Variants in KANK1 observed in about 807,000 individuals in gnomAD.
KANK1 encodes KN motif and ankyrin repeat domains 1, also known as KN motif and ankyrin repeat domain-containing protein 1.
In KANK1, 109 loss-of-function variants were observed where a neutral mutation model predicts 106.2. The observed-to-expected ratio is 1.03, with a 90% confidence interval of 0.88 to 1.20. KANK1 has a LOEUF of 1.20. Ranked by LOEUF, KANK1 falls within the 50% of genes most tolerant of loss-of-function variation. The pLI is 0.00. For synonymous variants in KANK1, 873 were observed against 652.2 expected (o/e 1.34, Z -5.16); for missense variants, 2,399 against 1,710.7 (o/e 1.40, Z -7.10).
chr9:540,986 G>A (rs1224397149), intron 1 of KANK1, among the ~76,000 whole-genome samples: 5 of 152,044 alleles, frequency 3.3e-5, no homozygotes, highest in Non-Finnish European at 7.4e-5. Context: ...ACTTTGGGCT[G>A]TTCCTTTTCT....
upstream of KANK1, chr9:504,591 T>TCCGCCCCGGCTTCCCCGCCCCGGCTTCC (rs1250667353): frequency 6.6e-6 from 1 of 151,450 alleles, no homozygotes; most frequent in African/African-American, 2.4e-5. Context: ...GGCTTGCTGG[T>TCCGCCCCGGCTTCCCCGCCCCGGCTTCC]CCGCCCCGGC....
At position 712,122 on chromosome 9, in the gene KANK1, C is replaced by T. The variant is rs149308888; in HGVS notation, c.1356C>T (p.Asp452=). The change falls in exon 3 of 12, where the codon GAC becomes GAT. Residue 452 remains aspartate (D), a synonymous_variant. Coordinates refer to ENST00000382297, the MANE Select transcript of KANK1 (RefSeq NM_015158.5). The part of the protein sequence containing the change: ...EAMLGVMTEA[D]KEIELQQQTI... ...TGCTTGGAGTGATGACTGAAGCTGA[C>T]AAAGAAATTGAGCTGCAACAGCAGA... 6.8e-6 allele frequency: 11 copies of T among 1,614,060 alleles called. No homozygotes were observed. Among genetic ancestry groups the T allele is most frequent in the African/African-American group, 1.3e-5 (1 of 75,010 alleles).
chr9:641,511 C>T (rs866564707), intron 1 of KANK1, among the ~76,000 whole-genome samples: 1 of 152,174 alleles, frequency 6.6e-6, no homozygotes, highest in Non-Finnish European at 1.5e-5. Flanking sequence ...GCAAATGGAG[C>T]TGCTGCACAA....
chr9:546,625 T>C (rs1489892381), intron 1 of KANK1, among the ~76,000 whole-genome samples: 1 of 152,080 alleles, frequency 6.6e-6, no homozygotes, highest in African/African-American at 2.4e-5. Flanking sequence ...TTTTCATTTG[T>C]TTATTCTTAT....
chr9:564,698 G>C (rs145769557), intron 1 of KANK1, among the ~76,000 whole-genome samples: 1 of 152,332 alleles, frequency 6.6e-6, no homozygotes, highest in African/African-American at 2.4e-5. Context: ...GCTCTTTGCA[G>C]CCGCTCTTCC....
chr9:546,738 G>A (rs573330573), intron 1 of KANK1, among the ~76,000 whole-genome samples: 3 of 149,800 alleles, frequency 2.0e-5, no homozygotes, highest in African/African-American at 7.4e-5. Context: ...TGGGCACACT[G>A]TAAAACATCT....
intron 1 of KANK1, among the ~76,000 whole-genome samples, chr9:657,233 A>G (rs534497515): frequency 1.3e-4 from 20 of 152,314 alleles, no homozygotes; most frequent in African/African-American, 4.8e-4. Flanking sequence ...ATAATAGTCC[A>G]TTGTATGCAT....
At chr9:653,982 C>T (rs1271506005) in intron 1 of KANK1, among the ~76,000 whole-genome samples, 1 of 152,164 alleles carries the variant, frequency 6.6e-6, no homozygotes, top group African/African-American at 2.4e-5. Flanking sequence ...ATGGATACTT[C>T]CTGGTTACAG....
intron 2 of KANK1, chr9:693,553 T>C (rs1433099233): frequency 1.0e-6 from 1 of 985,296 alleles, no homozygotes; most frequent in African/African-American, 1.7e-5. Flanking sequence ...CTAGCAGTTT[T>C]GTTTGTTGGT....
chr9:709,504 T>C (rs1825320161), intron 2 of KANK1, among the ~76,000 whole-genome samples: 1 of 152,184 alleles, frequency 6.6e-6, no homozygotes, highest in Admixed American at 6.6e-5. Context: ...TTTTTTTGTG[T>C]GCCTCAGATA....
Position 542,084 on chromosome 9 carries a change from G to A in KANK1, c.-84+37330G>A, listed in dbSNP as rs369680790. ...AGCCTGGGCGACAGAGCGAGACTCC[G>A]TCTCAAAAAAAAAAAATGAACAGAG... On this transcript the variant is annotated intron_variant, in intron 1 of 11. Coordinates refer to ENST00000382297, the MANE Select transcript of KANK1 (RefSeq NM_015158.5). Among the ~76,000 whole-genome samples, 46 of 150,372 alleles carry A rather than the reference G, an allele frequency of 3.1e-4. No homozygotes were observed. In the East Asian group the frequency reaches 6.4e-3, roughly 21 times the overall value.
At chr9:540,716 A>G (rs2060549264) in intron 1 of KANK1, 1 of 151,896 alleles carries the variant, frequency 6.6e-6, no homozygotes, top group Non-Finnish European at 1.5e-5. Flanking sequence ...GTCTCTTCAG[A>G]TTTTCTATTT....
At chr9:549,753 A>G (rs1016398769) in intron 1 of KANK1, 1 of 152,238 alleles carries the variant, frequency 6.6e-6, no homozygotes. Context: ...TGACATAGGA[A>G]CTATGAAGCG....
chr9:564,086 G>A (rs1817193438), intron 1 of KANK1, among the ~76,000 whole-genome samples: 2 of 148,514 alleles, frequency 1.3e-5, no homozygotes, highest in Non-Finnish European at 3.0e-5. Context: ...TTGAGACAGA[G>A]TCTTGCTCTG....
intron 1 of KANK1, among the ~76,000 whole-genome samples, chr9:534,910 A>G (rs979032180): frequency 2.0e-5 from 3 of 152,214 alleles, no homozygotes; most frequent in Admixed American, 2.0e-4. Flanking sequence ...TTGTAATTCC[A>G]TGGATGGAGA....
intron 1 of KANK1, among the ~76,000 whole-genome samples, chr9:627,691 A>G (rs187561012): frequency 4.5e-4 from 69 of 152,294 alleles, no homozygotes; most frequent in African/African-American, 1.5e-3. Context: ...TTTTGCAGGT[A>G]TGAGTTTCAG....
intron 1 of KANK1, chr9:673,370 C>T (rs1815669813): frequency 1.3e-5 from 2 of 152,180 alleles, no homozygotes; most frequent in South Asian, 2.1e-4. Flanking sequence ...CCACCCTACC[C>T]AGCTAATTTT....
At chr9:630,186 T>G (rs1231595987) in intron 1 of KANK1, among the ~76,000 whole-genome samples, 2 of 151,978 alleles carry the variant, frequency 1.3e-5, no homozygotes, top group Non-Finnish European at 2.9e-5. Context: ...AGTTCGAGGC[T>G]GCAGTGAGCT....
At chr9:685,444 ATAAGGGAGAGCTGTGC>A (rs757447260) in intron 2 of KANK1, 4 of 152,222 alleles carry the variant, frequency 2.6e-5, no homozygotes, top group Non-Finnish European at 5.9e-5. Context: ...AACTATAGAC[ATAAGGGAGAGCTGTGC>A]TAAGGGACAA....
Sources: allele counts gnomAD v4.1 joint callset (sites outside exome capture counted in the v4.1 genomes callset), GRCh38; gene constraint gnomAD v4.1.1; transcripts MANE v1.5; gene names NCBI Gene and HGNC (gene_info 2026-07-23, HGNC 2026-07-21).